The following CLDN16 variants were observed in gnomAD, a reference collection of about 807,000 sequenced individuals.
CLDN16 encodes claudin 16, also known as claudin-16.
A neutral mutation model predicts 24.6 loss-of-function variants in CLDN16; 13 were observed. The ratio of observed to expected loss-of-function variants is 0.53; its 90% CI spans 0.34 to 0.84. The LOEUF is 0.84. Ranked by LOEUF, CLDN16 falls within the 40% of genes least tolerant of loss-of-function variation. CLDN16 has a pLI of 0.01. For synonymous variants in CLDN16, 116 were observed against 106.7 expected (o/e 1.09, Z -0.54); for missense variants, 298 against 292.7 (o/e 1.02, Z -0.13).
At chr3:190,301,875 G>A in the CLDN16 span, among the ~76,000 whole-genome samples, 1 of 152,126 alleles carries the variant, frequency 6.6e-6, no homozygotes, top group African/African-American at 2.4e-5. Context: ...ACAACAGGAA[G>A]AATACTCTTA....
the CLDN16 span, among the ~76,000 whole-genome samples, chr3:190,302,631 C>T: frequency 2.6e-5 from 4 of 151,730 alleles, no homozygotes; most frequent in Non-Finnish European, 5.9e-5. Context: ...ATTAGCTGGG[C>T]GTGGTGGCAT....
intron 1 of CLDN16, among the ~76,000 whole-genome samples, chr3:190,350,536 G>A (rs16865408): frequency 0.039 from 5,952 of 152,122 alleles, 206 homozygotes; most frequent in East Asian, 0.14. Flanking sequence ...ACATGCAAAG[G>A]TCATGAAAAA....
At chr3:190,302,720 G>C in the CLDN16 span, among the ~76,000 whole-genome samples, 86,665 of 150,418 alleles carry the variant, frequency 0.58, 25,619 homozygotes, top group African/African-American at 0.7. Context: ...GCAGTGAAAT[G>C]AGATCATGTC....
chr3:190,408,201 A>C, intron 3 of CLDN16, 113 bp from the exon 4 acceptor site: 1 of 1,016,306 alleles, frequency 9.8e-7, no homozygotes, highest in South Asian at 1.3e-5. Context: ...AATCCATGTT[A>C]CTGTTTTTAC....
chr3:190,409,675 AG>A, intron 4 of CLDN16, among the ~76,000 whole-genome samples: 1 of 152,034 alleles, frequency 6.6e-6, no homozygotes. Flanking sequence ...CTCCTGATGA[AG>A]AAAAAAAAAA....
chr3:190,398,700 A>G (rs945013206), intron 1 of CLDN16, among the ~76,000 whole-genome samples: 2 of 152,200 alleles, frequency 1.3e-5, no homozygotes, highest in African/African-American at 4.8e-5. Context: ...TAAGCACTTT[A>G]CTACCACTAT....
In CLDN16 at chr3:190,339,148, T is replaced by C. The variant is rs182289346; in HGVS notation, n.121+16487T>C. Among the ~76,000 whole-genome samples, 584 of 152,320 alleles carry C rather than the reference T, an allele frequency of 3.8e-3. 3 individuals are homozygous for C. Among genetic ancestry groups the C allele is most frequent in the African/African-American group, 0.013 (552 of 41,572 alleles). ...TGAGACTAAACTTCTGAAATCATAT[T>C]ATTGCCTAACTCTACCCATCCTTCA... On this transcript the variant is annotated intron_variant and non_coding_transcript_variant, in intron 1 of 4. Coordinates refer to the CLDN16 transcript ENST00000468220.
rs142234155 is a variant in CLDN16, at chr3:190,340,436, G to A, written n.121+17775G>A. On this transcript the variant is annotated intron_variant and non_coding_transcript_variant, in intron 1 of 4. Transcript: ENST00000468220. The stretch of plus-strand genomic sequence containing the variant: ...CACGTGGTGGCAGACAAGAGCTTGT[G>A]CAGGGGAACTCCCATTTTTAAAACC... 1.1e-4 allele frequency among the ~76,000 whole-genome samples: 17 copies of A among 152,300 alleles called. No individual in the cohort carries two copies. In the East Asian group the frequency reaches 3.1e-3, roughly 28 times the overall value.
At position 190,408,218 on chromosome 3, in the gene CLDN16, GAATCACGCC is replaced by G. The variant is rs1434552793; in HGVS notation, c.383-94_383-86del. ...TCCATGTTACTGTTTTTACCTCTCT[GAATCACGCC>G]AGCCATTTTGTGTAGTAAGCAGGTA... On this transcript the variant is annotated intron_variant, in intron 3 of 4. Coordinates refer to ENST00000264734, the MANE Select transcript of CLDN16 (RefSeq NM_006580.4). The G allele has an allele frequency of 1.1e-5, 13 of 1,232,566 alleles. No homozygotes were observed. In the East Asian group the frequency reaches 2.8e-4, roughly 26 times the overall value. The allele number at this position is 1,232,566 out of a possible 1,614,324, so 76.4% of individuals were successfully genotyped here. A position where few individuals can be genotyped will look rare whatever the true frequency, so the allele number is the denominator to read the frequency against.
At position 190,393,906 on chromosome 3, in the gene CLDN16, A is replaced by G. The variant is rs1718749308; in HGVS notation, c.114+5463A>G. On this transcript the variant is annotated intron_variant, in intron 1 of 4. Transcript: ENST00000264734. ...GCCGGGACTACAGGCAAGCACCACCACACCCGGCTAATTTTTTTGTATTTT... is the reference window on the plus strand; with the variant it reads ...GCCGGGACTACAGGCAAGCACCACCGCACCCGGCTAATTTTTTTGTATTTT... Among the ~76,000 whole-genome samples, 3 of 151,418 alleles carry G rather than the reference A, an allele frequency of 2.0e-5. No homozygotes were observed. In the South Asian group the frequency reaches 6.3e-4, roughly 32 times the overall value.
chr3:190,399,084 G>A (rs1439873702), intron 1 of CLDN16, among the ~76,000 whole-genome samples: 1 of 152,160 alleles, frequency 6.6e-6, no homozygotes, highest in Non-Finnish European at 1.5e-5. Flanking sequence ...AGCATGCCAA[G>A]GTGAAGTTCG....
At chr3:190,290,646 A>G in the CLDN16 span, among the ~76,000 whole-genome samples, 1 of 152,240 alleles carries the variant, frequency 6.6e-6, no homozygotes, top group Non-Finnish European at 1.5e-5. Flanking sequence ...CTGCTTAGCA[A>G]TGAGTATCTT....
At chr3:190,357,167 T>G (rs1166702823) in intron 1 of CLDN16, among the ~76,000 whole-genome samples, 2 of 151,924 alleles carry the variant, frequency 1.3e-5, no homozygotes, top group African/African-American at 4.8e-5. Context: ...CCTACAGGAT[T>G]AACATCCTCC....
At chr3:190,300,804 C>G in the CLDN16 span, among the ~76,000 whole-genome samples, 3,195 of 152,226 alleles carry the variant, frequency 0.021, 121 homozygotes, top group African/African-American at 0.072. Flanking sequence ...CGTTTGGTTT[C>G]TATCACATTA....
the CLDN16 span, chr3:190,312,950 A>C: frequency 1.2e-6 from 2 of 1,614,104 alleles, no homozygotes; most frequent in Non-Finnish European, 1.7e-6. Flanking sequence ...CACTTCATAC[A>C]CTTCATGCCA....
upstream of CLDN16, among the ~76,000 whole-genome samples, chr3:190,385,800 T>G (rs891001299): frequency 1.3e-5 from 2 of 152,188 alleles, no homozygotes; most frequent in Non-Finnish European, 2.9e-5. Context: ...AGTATATAAC[T>G]CTTAAAAAAT....
At chr3:190,406,187 G>T (rs1197986673) in intron 3 of CLDN16, among the ~76,000 whole-genome samples, 1 of 152,152 alleles carries the variant, frequency 6.6e-6, no homozygotes, top group African/African-American at 2.4e-5. Flanking sequence ...CTAACCCTTT[G>T]TATGCTCAGA....
chr3:190,356,824 TAA>T (rs1717784760), intron 1 of CLDN16, among the ~76,000 whole-genome samples: 3 of 151,944 alleles, frequency 2.0e-5, no homozygotes, highest in African/African-American at 4.8e-5. Context: ...GCAGATATCA[TAA>T]TATTTAGGTT....
intron 1 of CLDN16, among the ~76,000 whole-genome samples, chr3:190,327,161 G>A (rs1025155733): frequency 2.0e-5 from 3 of 152,156 alleles, no homozygotes; most frequent in Non-Finnish European, 2.9e-5. Flanking sequence ...TCCAGCAGGC[G>A]GAAGACTTGA....
Sources: allele counts gnomAD v4.1 joint callset (sites outside exome capture counted in the v4.1 genomes callset), GRCh38; gene constraint gnomAD v4.1.1; transcripts MANE v1.5; gene names NCBI Gene and HGNC (gene_info 2026-07-23, HGNC 2026-07-21).